The following MINDY3 variants were observed in gnomAD, a reference collection of about 807,000 sequenced individuals.
MINDY3 encodes the protein MINDY lysine 48 deubiquitinase 3.
Under a neutral mutation model 69.2 loss-of-function variants are expected in MINDY3, and 38 were observed. That is an observed-to-expected ratio of 0.55 (90% CI 0.42 to 0.72). MINDY3 has a LOEUF of 0.72. Ranked by LOEUF, MINDY3 falls within the 30% of genes least tolerant of loss-of-function variation. The probability of loss-of-function intolerance (pLI) is 0.00; values close to 1 mark genes in which losing one functional copy is unlikely to be tolerated. For synonymous variants in MINDY3, 192 were observed against 180.1 expected, an observed-to-expected ratio of 1.07 and a Z score of -0.53; for missense variants, 522 against 519.0, an observed-to-expected ratio of 1.01 and a Z score of -0.06.
intron 1 of MINDY3, among the ~76,000 whole-genome samples, chr10:15,855,576 T>G (rs1022975395): frequency 2.6e-5 from 4 of 152,120 alleles, no homozygotes; most frequent in African/African-American, 9.7e-5. Context: ...CATTTTCACA[T>G]TTTATAGCTC....
intron 8 of MINDY3, among the ~76,000 whole-genome samples, chr10:15,833,219 A>C (rs1832850051): frequency 6.6e-6 from 1 of 152,236 alleles, no homozygotes; most frequent in Non-Finnish European, 1.5e-5. Flanking sequence ...CGGTGTTTTA[A>C]AGTACGCACA....
chr10:15,819,164 T>C (rs1274523710), intron 9 of MINDY3, among the ~76,000 whole-genome samples: 1 of 152,146 alleles, frequency 6.6e-6, no homozygotes, highest in Non-Finnish European at 1.5e-5. Flanking sequence ...AAAATGTTAA[T>C]TTCATCTTTA....
Position 15,837,918 on chromosome 10 carries a change from A to G in MINDY3, c.461+310T>C, listed in dbSNP as rs368626888. On this transcript the variant is annotated intron_variant, in intron 5 of 14. Coordinates refer to ENST00000277632, the MANE Select transcript of MINDY3 (RefSeq NM_024948.4). ...AAATAATTCTAATATTTATCCTACT[A>G]GAAATCTTCATATTTGTTTAGGTCA... The G allele has an allele frequency of 2.0e-5, 19 of 932,762 alleles. No homozygotes were observed. The African/African-American group carries it at 3.4e-4, about 17-fold the overall frequency. The allele number at this position is 932,762 out of a possible 1,614,324, so 57.8% of individuals were successfully genotyped here.
chr10:15,816,186 A>G (rs1478107895), intron 10 of MINDY3, among the ~76,000 whole-genome samples: 1 of 148,044 alleles, frequency 6.8e-6, no homozygotes, highest in East Asian at 2.1e-4. Context: ...GCTTGAACCC[A>G]GGAGACGTAG....
intron 1 of MINDY3, among the ~76,000 whole-genome samples, chr10:15,853,449 C>T (rs923834779): frequency 2.6e-5 from 4 of 151,522 alleles, no homozygotes; most frequent in Admixed American, 6.6e-5. Context: ...TAGCATACAT[C>T]GAGACAGTAA....
rs894920934 is a variant in MINDY3, at chr10:15,834,446, GACAA to G, written c.650+93_650+96del. On this transcript the variant is annotated intron_variant, in intron 7 of 14. Coordinates refer to ENST00000277632, the MANE Select transcript of MINDY3 (RefSeq NM_024948.4). The stretch of plus-strand genomic sequence containing the variant: ...TACATGTTGTACTGTCAACACTACT[GACAA>G]ACAAAATTACTTGACTCAGTCATGT... The G allele has an allele frequency of 7.2e-5, 60 of 832,052 alleles. No individual in the cohort carries two copies. In the African/African-American group the frequency reaches 9.1e-4, roughly 13 times the overall value. The allele number at this position is 832,052 out of a possible 1,614,324, so 51.5% of individuals were successfully genotyped here.
intron 8 of MINDY3, among the ~76,000 whole-genome samples, chr10:15,821,933 T>C (rs946190290): frequency 1.1e-4 from 16 of 152,142 alleles, no homozygotes; most frequent in Non-Finnish European, 2.9e-5. Flanking sequence ...GGTGGGTAAA[T>C]GTGATGCTTT....
chr10:15,858,836 G>A (rs1188601152), intron 1 of MINDY3, among the ~76,000 whole-genome samples: 1 of 152,118 alleles, frequency 6.6e-6, no homozygotes, highest in Non-Finnish European at 1.5e-5. Flanking sequence ...GTATTTTAGA[G>A]CTGCTTACTA....
intron 2 of MINDY3, 143 bp from the exon 3 acceptor site, chr10:15,843,415 C>G: frequency 3.0e-6 from 2 of 668,270 alleles, no homozygotes; most frequent in Non-Finnish European, 5.4e-6. Context: ...ATGGGTTCCC[C>G]TCACATTTGA....
chr10:15,784,339 T>A (rs1006502180), intron 13 of MINDY3, among the ~76,000 whole-genome samples: 1 of 152,332 alleles, frequency 6.6e-6, no homozygotes, highest in Admixed American at 6.5e-5. Flanking sequence ...CAAATAAGTG[T>A]TCTTCCACAG....
At chr10:15,835,525 T>C (rs928763377) in intron 6 of MINDY3, among the ~76,000 whole-genome samples, 1 of 152,116 alleles carries the variant, frequency 6.6e-6, no homozygotes, top group Non-Finnish European at 1.5e-5. Context: ...AGATGAATAC[T>C]ATCAACAAGT....
chr10:15,837,241 C>T lies in MINDY3; in HGVS notation c.539G>A (p.Gly180Glu). ...DQYSMWGNKFGVLLFLYSVLL... is the reference protein window; with the variant it reads ...DQYSMWGNKFEVLLFLYSVLL... ...TACAGAATACAGAAAAAGCAATACT[C>T]CAAATTTATTTCCCCACATTGAATA... The change falls in exon 6 of 15, where the codon GGA becomes GAA. Residue 180 changes from glycine (G) to glutamate (E), a missense_variant. Physicochemically the swap from Gly to Glu is moderately conservative, Grantham distance 98 (BLOSUM62 -2). Coordinates refer to ENST00000277632, the MANE Select transcript of MINDY3 (RefSeq NM_024948.4). The T allele has an allele frequency of 6.2e-7, 1 of 1,606,924 alleles. No homozygotes were observed. The highest frequency in any genetic ancestry group is 8.5e-7 in the Non-Finnish European group (1 of 1,175,982).
chr10:15,816,793 C>A (rs371814494), intron 10 of MINDY3, 42 bp downstream of exon 10: 2 of 1,306,146 alleles, frequency 1.5e-6, no homozygotes, highest in South Asian at 2.4e-5. Flanking sequence ...TACTTGTTTG[C>A]CTGATGTCAT....
chr10:15,850,490 G>T (rs987060516), intron 1 of MINDY3, among the ~76,000 whole-genome samples: 1 of 152,146 alleles, frequency 6.6e-6, no homozygotes, highest in Non-Finnish European at 1.5e-5. Context: ...GCATTCTCAG[G>T]GGGGAGGTCT....
intron 10 of MINDY3, among the ~76,000 whole-genome samples, chr10:15,798,630 A>C (rs1303348139): frequency 3.9e-5 from 6 of 152,058 alleles, no homozygotes; most frequent in Admixed American, 3.9e-4. Flanking sequence ...AAATACAAAA[A>C]ATAGCTGGGT....
At chr10:15,801,569 A>G (rs1031763336) in intron 10 of MINDY3, among the ~76,000 whole-genome samples, 2 of 152,134 alleles carry the variant, frequency 1.3e-5, no homozygotes, top group Non-Finnish European at 2.9e-5. Context: ...GCCCTCAAAC[A>G]CAACATCACT....
At chr10:15,853,679 G>A (rs921819632) in intron 1 of MINDY3, among the ~76,000 whole-genome samples, 2 of 151,554 alleles carry the variant, frequency 1.3e-5, no homozygotes. Flanking sequence ...ATGGTCAAAA[G>A]TTATCTCAAG....
intron 2 of MINDY3, among the ~76,000 whole-genome samples, chr10:15,844,791 C>T (rs114931942): frequency 1.3e-5 from 2 of 152,102 alleles, no homozygotes; most frequent in South Asian, 2.1e-4. Flanking sequence ...CATCTTCCCA[C>T]CCTTACATGC....
intron 8 of MINDY3, among the ~76,000 whole-genome samples, chr10:15,822,769 G>C (rs1477308286): frequency 1.3e-5 from 2 of 152,100 alleles, no homozygotes; most frequent in Non-Finnish European, 2.9e-5. Flanking sequence ...GGAATCATCA[G>C]CATAGAGATG....
Sources: allele counts gnomAD v4.1 joint callset (sites outside exome capture counted in the v4.1 genomes callset), GRCh38; gene constraint gnomAD v4.1.1; transcripts MANE v1.5; gene names NCBI Gene and HGNC (gene_info 2026-07-23, HGNC 2026-07-21).